Variants in ZBTB20 observed in about 807,000 individuals in gnomAD.
ZBTB20 encodes the protein zinc finger and BTB domain containing 20.
ZBTB20 carries 9 observed loss-of-function variants against 56.9 expected under a neutral mutation model. The observed-to-expected ratio is 0.16, with a 90% CI of 0.10 to 0.28. The LOEUF (loss-of-function observed/expected upper bound fraction) is 0.28, where lower values mean the gene tolerates loss of function less well. Among genes scored for constraint, ZBTB20 ranks in the 10% least tolerant of loss-of-function variants. ZBTB20 has a pLI of 1.00. For missense variants in ZBTB20, 655 were observed against 1,003.0 expected (o/e 0.65, Z 4.69); for synonymous variants, 417 against 420.7 (o/e 0.99, Z 0.11).
intron 1 of ZBTB20, among the ~76,000 whole-genome samples, chr3:115,123,194 T>C (rs1475311748): frequency 6.6e-6 from 1 of 152,188 alleles, no homozygotes; most frequent in Non-Finnish European, 1.5e-5. Context: ...ATTAGGACTC[T>C]CATTAAACAT....
intron 5 of ZBTB20, among the ~76,000 whole-genome samples, chr3:114,706,438 T>C (rs981936472): frequency 9.2e-5 from 14 of 152,140 alleles, no homozygotes; most frequent in African/African-American, 3.4e-4. Context: ...GGTGATCACA[T>C]GTGTTCCATG....
At chr3:115,029,646 GA>G (rs763628379) in intron 2 of ZBTB20, among the ~76,000 whole-genome samples, 6 of 150,672 alleles carry the variant, frequency 4.0e-5, no homozygotes, top group Non-Finnish European at 8.9e-5. Context: ...GAAAAACATA[GA>G]TTTTTTTTCA....
At chr3:114,734,446 A>C (rs902217193) in intron 5 of ZBTB20, among the ~76,000 whole-genome samples, 4 of 152,092 alleles carry the variant, frequency 2.6e-5, no homozygotes, top group Non-Finnish European at 5.9e-5. Flanking sequence ...TTGATACCAT[A>C]TAGTATAGTA....
At chr3:114,409,297 A>C (rs569688865) in intron 7 of ZBTB20, among the ~76,000 whole-genome samples, 1 of 152,112 alleles carries the variant, frequency 6.6e-6, no homozygotes, top group Non-Finnish European at 1.5e-5. Context: ...TCTTGCCTAC[A>C]CTTAGCTACA....
intron 5 of ZBTB20, among the ~76,000 whole-genome samples, chr3:114,729,439 T>G (rs1206826797): frequency 2.0e-5 from 3 of 152,238 alleles, no homozygotes; most frequent in Admixed American, 6.5e-5. Flanking sequence ...TTTTACTTTA[T>G]GCATGCATTT....
At chr3:114,912,403 C>T (rs1312303339) in intron 3 of ZBTB20, among the ~76,000 whole-genome samples, 1 of 151,596 alleles carries the variant, frequency 6.6e-6, no homozygotes, top group South Asian at 2.1e-4. Context: ...ACGCACATCA[C>T]TTTTTAATAG....
chr3:114,591,736 G>A (rs1261651800), intron 6 of ZBTB20, among the ~76,000 whole-genome samples: 4 of 152,074 alleles, frequency 2.6e-5, no homozygotes, highest in Admixed American at 6.5e-5. Context: ...ATTTAACAAC[G>A]TTTTGTTTAT....
rs538124343 is a variant in ZBTB20 at position 115,082,089 on chromosome 3, T to G, written c.-702-10675A>C. On this transcript the variant is annotated intron_variant, in intron 1 of 11. Coordinates refer to ENST00000675478, the MANE Select transcript of ZBTB20 (RefSeq NM_001348800.3). ...GCCTTGCTGTATACTAACACTGCCT[T>G]GCAAATGAAAAACCTGCACTATTCC... 1.1e-4 allele frequency among the ~76,000 whole-genome samples: 17 copies of G among 152,336 alleles called. 1 individual carries two copies. In the South Asian group the frequency reaches 1.9e-3, roughly 17 times the overall value.
chr3:114,823,059 G>A (rs1050434364), intron 4 of ZBTB20, among the ~76,000 whole-genome samples: 4 of 152,072 alleles, frequency 2.6e-5, no homozygotes, highest in Admixed American at 2.6e-4. Flanking sequence ...CTAAGATAAT[G>A]CTATAGAAAT....
At chr3:114,531,830 CACAGAGGGCAA>C (rs1011932787) in intron 6 of ZBTB20, among the ~76,000 whole-genome samples, 40 of 152,296 alleles carry the variant, frequency 2.6e-4, no homozygotes, top group African/African-American at 9.6e-4. Context: ...GGGTGCAGCC[CACAGAGGGCAA>C]GCCAAAGCAG....
chr3:114,391,331 C>G (rs1195257715), intron 7 of ZBTB20, among the ~76,000 whole-genome samples: 6 of 152,160 alleles, frequency 3.9e-5, no homozygotes, highest in African/African-American at 1.4e-4. Context: ...GTTTCTCACT[C>G]TTATCTCTAC....
At chr3:114,347,077 G>GTTTT (rs59044965) in intron 11 of ZBTB20, among the ~76,000 whole-genome samples, 1 of 71,064 alleles carries the variant, frequency 1.4e-5, no homozygotes, top group African/African-American at 6.5e-5. Context: ...TTCTCTTCAG[G>GTTTT]TTTTTTTTTT....
chr3:114,617,957 C>A (rs2058047994), intron 6 of ZBTB20, among the ~76,000 whole-genome samples: 1 of 152,086 alleles, frequency 6.6e-6, no homozygotes, highest in African/African-American at 2.4e-5. Context: ...TACACTCTTT[C>A]TCCTCTTTAA....
intron 3 of ZBTB20, among the ~76,000 whole-genome samples, chr3:114,923,025 T>A (rs753124915): frequency 1.4e-4 from 21 of 152,086 alleles, no homozygotes; most frequent in African/African-American, 5.1e-4. Context: ...TTTAACCAAG[T>A]TGATGAAGAA....
In ZBTB20 at chr3:114,333,704, G is replaced by T. The variant is rs2079350232; in HGVS notation, c.*5301C>A. ...TTTCTTTTTCTGAGGAACAAAATTG[G>T]CCATTTAAATAAAGTTCTTTTCTAG... On this transcript the variant is annotated 3_prime_UTR_variant, in exon 12 of 12. Coordinates refer to ENST00000675478, the MANE Select transcript of ZBTB20 (RefSeq NM_001348800.3). The T allele has an allele frequency of 6.6e-6, 1 of 151,764 alleles. No homozygotes were observed. The highest frequency in any genetic ancestry group is 2.4e-5 in the African/African-American group (1 of 41,290). The allele number at this position is 151,764 out of a possible 1,614,324, so 9.4% of individuals were successfully genotyped here. A position where few individuals can be genotyped will look rare whatever the true frequency, so the allele number is the denominator to read the frequency against.
intron 5 of ZBTB20, among the ~76,000 whole-genome samples, chr3:114,761,528 AT>A (rs2068438138): frequency 6.6e-6 from 1 of 152,144 alleles, no homozygotes; most frequent in Admixed American, 6.6e-5. Context: ...AGTAATGTTT[AT>A]GTTGTGAAAA....
At chr3:114,568,176 T>C (rs1045057342) in intron 6 of ZBTB20, among the ~76,000 whole-genome samples, 2 of 152,218 alleles carry the variant, frequency 1.3e-5, no homozygotes, top group African/African-American at 4.8e-5. Flanking sequence ...TCAGCAGCAG[T>C]ACTTGCTAGT....
chr3:114,641,668 T>C (rs2059569758), intron 6 of ZBTB20, among the ~76,000 whole-genome samples: 1 of 151,822 alleles, frequency 6.6e-6, no homozygotes, highest in Non-Finnish European at 1.5e-5. Context: ...TTCCTAGATC[T>C]CTATAGACAT....
At chr3:114,442,135 TAGATA>T (rs971190133) in intron 7 of ZBTB20, among the ~76,000 whole-genome samples, 7 of 152,164 alleles carry the variant, frequency 4.6e-5, no homozygotes, top group African/African-American at 1.7e-4. Flanking sequence ...TTCCCCCTTT[TAGATA>T]ACAATTCAAG....
Sources: allele counts gnomAD v4.1 joint callset (sites outside exome capture counted in the v4.1 genomes callset), GRCh38; gene constraint gnomAD v4.1.1; transcripts MANE v1.5; gene names NCBI Gene and HGNC (gene_info 2026-07-23, HGNC 2026-07-21).